APOOL: variants seen among roughly 807,000 people sequenced by gnomAD.
APOOL encodes apolipoprotein O like, also known as MICOS complex subunit MIC27.
In APOOL, 12 loss-of-function variants were observed where a neutral mutation model predicts 23.1. That is an observed-to-expected ratio of 0.52 (90% confidence interval 0.33 to 0.84). The LOEUF is 0.84. Among genes scored for constraint, APOOL ranks in the 40% least tolerant of loss-of-function variants. APOOL has a pLI of 0.02. For synonymous variants in APOOL, 77 were observed against 69.9 expected, an observed-to-expected ratio of 1.10 and a Z score of -0.51; for missense variants, 212 against 199.6, an observed-to-expected ratio of 1.06 and a Z score of -0.37.
chrX:85,070,368 C>T (rs987235875), intron 6 of APOOL, among the ~76,000 whole-genome samples: 15 of 111,295 alleles, frequency 1.3e-4, no homozygotes, highest in Non-Finnish European at 2.5e-4. Context: ...AAATAGACTT[C>T]AAGATGGAAT....
At chrX:85,076,751 G>T (rs1483258951) in intron 8 of APOOL, among the ~76,000 whole-genome samples, 3 of 109,270 alleles carry the variant, frequency 2.7e-5, no homozygotes, top group Non-Finnish European at 5.7e-5. Flanking sequence ...ACTATATGTT[G>T]TGGCTCTGAA....
chrX:85,012,970 T>A (rs1921341071), intron 1 of APOOL, among the ~76,000 whole-genome samples: 2 of 112,084 alleles, frequency 1.8e-5, no homozygotes, highest in Admixed American at 9.4e-5. Flanking sequence ...ATCCATCTGG[T>A]CCTGGAATCT....
intron 5 of APOOL, among the ~76,000 whole-genome samples, chrX:85,063,960 CTCTT>C (rs1440003341): frequency 2.7e-5 from 3 of 111,045 alleles, no homozygotes; most frequent in Admixed American, 9.7e-5. Context: ...GTACCAGCTC[CTCTT>C]TCTATCTCTG....
intron 5 of APOOL, among the ~76,000 whole-genome samples, chrX:85,061,856 A>C (rs1923239226): frequency 9.0e-6 from 1 of 111,157 alleles, no homozygotes; most frequent in South Asian, 3.8e-4. Context: ...TGATTTTTTG[A>C]AGGGTTTTTT....
At chrX:85,075,332 GT>G (rs1481575740) in intron 8 of APOOL, among the ~76,000 whole-genome samples, 1 of 111,162 alleles carries the variant, frequency 9.0e-6, no homozygotes, top group East Asian at 2.8e-4. Flanking sequence ...GCTAAAATAA[GT>G]TGCCCCAAAT....
At chrX:85,016,381 T>C (rs1338478098) in intron 1 of APOOL, among the ~76,000 whole-genome samples, 1 of 109,648 alleles carries the variant, frequency 9.1e-6, no homozygotes, top group Non-Finnish European at 1.9e-5. Flanking sequence ...CTACCTCAGC[T>C]CCCCTGCCAG....
chrX:85,080,802 A>G (rs1377886433), intron 8 of APOOL, among the ~76,000 whole-genome samples: 1 of 111,736 alleles, frequency 8.9e-6, no homozygotes, highest in African/African-American at 3.3e-5. Context: ...TATATTTAGG[A>G]TAGTTAGCAC....
chrX:85,049,537 A>G (rs1183206952), intron 2 of APOOL, among the ~76,000 whole-genome samples: 1 of 111,516 alleles, frequency 9.0e-6, no homozygotes, highest in African/African-American at 3.3e-5. Flanking sequence ...TAATCCCAGC[A>G]CTTTAGGATG....
At chrX:85,081,800 T>C (rs1924110930) in intron 8 of APOOL, among the ~76,000 whole-genome samples, 1 of 111,778 alleles carries the variant, frequency 8.9e-6, no homozygotes, top group Non-Finnish European at 1.9e-5. Flanking sequence ...TTTTACTCTT[T>C]TGTCTCTAAA....
chrX:85,050,020 G>A lies in APOOL; in HGVS notation c.121-1369G>A, dbSNP rs760965073. On this transcript the variant is annotated intron_variant, in intron 2 of 8. Transcript: ENST00000373173. ...GAGAGGAAACTTGCCTATTTGCAGT[G>A]CACCTGCTTTTTATATATAAAACGC... Among the ~76,000 whole-genome samples, 61 of 111,296 alleles carry A rather than the reference G, an allele frequency of 5.5e-4. No individual in the cohort carries two copies. The Admixed American group carries it at 5.6e-3, about 10-fold the overall frequency.
At chrX:85,054,663 T>G in intron 4 of APOOL, among the ~76,000 whole-genome samples, 1 of 111,179 alleles carries the variant, frequency 9.0e-6, no homozygotes, top group Non-Finnish European at 1.9e-5. Context: ...ATTATGTTAG[T>G]ATTGGTATTA....
At position 85,039,233 on chromosome X, in the gene APOOL, CT is replaced by C. The variant is rs1211689871; in HGVS notation, c.16-7201del. ...TGGTTTTGAGAGATTTTGGTATCGA[CT>C]TTTTTTTTTTTAATTGCACGTGGTC... On this transcript the variant is annotated intron_variant, in intron 1 of 8. Coordinates refer to ENST00000373173, the MANE Select transcript of APOOL (RefSeq NM_198450.6). 7.9e-3 allele frequency among the ~76,000 whole-genome samples: 779 copies of C among 98,016 alleles called. 5 individuals are homozygous for C. Among genetic ancestry groups the C allele is most frequent in the African/African-American group, 0.024 (643 of 27,208 alleles). The allele number at this position is 98,016 out of a possible 115,157, so 85.1% of individuals were successfully genotyped here. A position where few individuals can be genotyped will look rare whatever the true frequency, so the allele number is the denominator to read the frequency against.
intron 1 of APOOL, among the ~76,000 whole-genome samples, chrX:85,005,107 T>A (rs2147467732): frequency 9.0e-6 from 1 of 111,152 alleles, no homozygotes; most frequent in Non-Finnish European, 1.9e-5. Flanking sequence ...ATGCCTTGTT[T>A]AATAGTGTCC....
intron 1 of APOOL, 94 bp from the exon 2 acceptor site, chrX:85,046,352 C>G (rs1922572467): frequency 2.9e-6 from 2 of 691,337 alleles, no homozygotes; most frequent in Non-Finnish European, 4.2e-6. Context: ...AAAGTGAAAC[C>G]AATAGATTTC....
intron 3 of APOOL, 125 bp from the exon 4 acceptor site, chrX:85,054,219 G>C (rs1922876446): frequency 7.0e-6 from 4 of 568,550 alleles, no homozygotes; most frequent in Non-Finnish European, 1.1e-5. Context: ...TAGGAAAGCT[G>C]GATTTAGATT....
chrX:85,079,224 G>C (rs1923984582), intron 8 of APOOL, among the ~76,000 whole-genome samples: 1 of 111,483 alleles, frequency 9.0e-6, no homozygotes, highest in Non-Finnish European at 1.9e-5. Context: ...ACTGGCTGTG[G>C]GTTTGTCATA....
intron 8 of APOOL, among the ~76,000 whole-genome samples, chrX:85,082,254 G>A (rs770936641): frequency 9.0e-6 from 1 of 111,489 alleles, no homozygotes; most frequent in Admixed American, 9.6e-5. Context: ...TTTGATGCTG[G>A]TGATCTAGAG....
At chrX:85,005,392 T>TCCCCCCCCCCCCCCC (rs1451619674) in intron 1 of APOOL, among the ~76,000 whole-genome samples, 1 of 10,392 alleles carries the variant, frequency 9.6e-5, no homozygotes, top group Non-Finnish European at 1.7e-4. Flanking sequence ...ACCTCGTGAT[T>TCCCCCCCCCCCCCCC]CACCCCCCCC....
intron 8 of APOOL, 110 bp from the exon 9 acceptor site, chrX:85,087,480 G>A: frequency 1.7e-6 from 1 of 584,470 alleles, no homozygotes; most frequent in Non-Finnish European, 2.7e-6. Flanking sequence ...TCAAATGTTA[G>A]GTCTGTGTCA....
Sources: allele counts gnomAD v4.1 joint callset (sites outside exome capture counted in the v4.1 genomes callset), GRCh38; gene constraint gnomAD v4.1.1; transcripts MANE v1.5; gene names NCBI Gene and HGNC (gene_info 2026-07-23, HGNC 2026-07-21).